Variants in CHST11 observed in about 807,000 individuals in gnomAD.
The protein encoded by CHST11 is carbohydrate sulfotransferase 11, also known as C4S-1.
Under a neutral mutation model 30.4 loss-of-function variants are expected in CHST11, and 9 were observed. That is an observed-to-expected ratio of 0.30 (90% CI 0.18 to 0.52). CHST11 has a LOEUF of 0.52. Among genes scored for constraint, CHST11 ranks in the 20% least tolerant of loss-of-function variants. CHST11 has a pLI of 0.97. For missense variants in CHST11, 348 were observed against 460.6 expected, an observed-to-expected ratio of 0.76 and a Z score of 2.24; for synonymous variants, 152 against 187.8, an observed-to-expected ratio of 0.81 and a Z score of 1.56.
At chr12:104,618,807 T>C (rs61267615) in intron 2 of CHST11, among the ~76,000 whole-genome samples, 251 of 152,250 alleles carry the variant, frequency 1.6e-3, no homozygotes, top group African/African-American at 5.9e-3. Context: ...ATTCGGGGAG[T>C]TGCAGAACCA....
intron 1 of CHST11, among the ~76,000 whole-genome samples, chr12:104,457,794 T>TGG (rs1565948550): frequency 2.1e-4 from 31 of 148,864 alleles, no homozygotes; most frequent in African/African-American, 6.9e-4. Flanking sequence ...AGTTTTTTTT[T>TGG]TTTTTTTTTT....
intron 2 of CHST11, among the ~76,000 whole-genome samples, chr12:104,721,696 G>T (rs2040178272): frequency 6.6e-6 from 1 of 152,022 alleles, no homozygotes; most frequent in African/African-American, 2.4e-5. Context: ...CCACCTCAAA[G>T]AGAACACAAC....
chr12:104,538,602 C>T (rs77871792), intron 1 of CHST11, among the ~76,000 whole-genome samples: 2,489 of 152,208 alleles, frequency 0.016, 120 homozygotes, highest in East Asian at 0.15. Context: ...TTTCTGTAGC[C>T]CACATCCTAT....
chr12:104,526,621 G>A (rs73185410), intron 1 of CHST11, among the ~76,000 whole-genome samples: 2,528 of 152,274 alleles, frequency 0.017, 32 homozygotes, highest in Non-Finnish European at 0.026. Flanking sequence ...GCACCAGAGC[G>A]CCAGTTCTTC....
chr12:104,487,477 G>A (rs2135964872), intron 1 of CHST11, among the ~76,000 whole-genome samples: 1 of 152,296 alleles, frequency 6.6e-6, no homozygotes, highest in African/African-American at 2.4e-5. Context: ...GCCCCGGCTG[G>A]TCTTGAATGC....
At chr12:104,551,898 T>C (rs1330261766) in intron 1 of CHST11, among the ~76,000 whole-genome samples, 4 of 152,194 alleles carry the variant, frequency 2.6e-5, no homozygotes, top group African/African-American at 9.7e-5. Context: ...GTCAGCCTGC[T>C]TTATGGGGTG....
intron 2 of CHST11, among the ~76,000 whole-genome samples, chr12:104,672,948 A>G (rs756819600): frequency 6.6e-6 from 1 of 152,150 alleles, no homozygotes; most frequent in South Asian, 2.1e-4. Context: ...GCTTAAAACA[A>G]CAGAAATGTA....
chr12:104,701,306 T>A (rs1381444941), intron 2 of CHST11, among the ~76,000 whole-genome samples: 1 of 152,212 alleles, frequency 6.6e-6, no homozygotes, highest in Non-Finnish European at 1.5e-5. Context: ...ATCAATCCCT[T>A]TGATGTATCT....
intron 1 of CHST11, among the ~76,000 whole-genome samples, chr12:104,509,133 A>G (rs944852209): frequency 6.6e-6 from 1 of 152,170 alleles, no homozygotes; most frequent in African/African-American, 2.4e-5. Flanking sequence ...TCATTGAACC[A>G]TGGGGGCAGG....
chr12:104,723,114 G>T (rs920064888), intron 2 of CHST11, among the ~76,000 whole-genome samples: 1 of 152,036 alleles, frequency 6.6e-6, no homozygotes, highest in African/African-American at 2.4e-5. Flanking sequence ...TCTGTGGTGT[G>T]AGCGTAGTAT....
At chr12:104,514,096 G>A (rs150201933) in intron 1 of CHST11, 1 of 1,209,122 alleles carries the variant, frequency 8.3e-7, no homozygotes, top group Non-Finnish European at 1.2e-6. Flanking sequence ...GGTCTAATCA[G>A]GCCTGTGTCT....
intron 1 of CHST11, among the ~76,000 whole-genome samples, chr12:104,462,605 T>G (rs567362277): frequency 6.6e-6 from 1 of 152,058 alleles, no homozygotes; most frequent in Non-Finnish European, 1.5e-5. Flanking sequence ...TAGTTTGGAG[T>G]CTTACCAATT....
intron 1 of CHST11, among the ~76,000 whole-genome samples, chr12:104,471,876 C>T (rs974469997): frequency 6.6e-6 from 1 of 152,172 alleles, no homozygotes; most frequent in Non-Finnish European, 1.5e-5. Flanking sequence ...ACTAGGGCTA[C>T]TGTAATGTAT....
chr12:104,526,809 A>G (rs1244021232), intron 1 of CHST11, among the ~76,000 whole-genome samples: 1 of 152,244 alleles, frequency 6.6e-6, no homozygotes. Flanking sequence ...GAGAACCCAC[A>G]CAGATAAGTG....
At chr12:104,533,744 A>G (rs755001221) in intron 1 of CHST11, among the ~76,000 whole-genome samples, 2 of 152,224 alleles carry the variant, frequency 1.3e-5, no homozygotes, top group South Asian at 4.1e-4. Context: ...GGGACAGTGG[A>G]AACGTAGGAG....
At chr12:104,689,604 T>A (rs1252754705) in intron 2 of CHST11, among the ~76,000 whole-genome samples, 1 of 152,228 alleles carries the variant, frequency 6.6e-6, no homozygotes, top group African/African-American at 2.4e-5. Context: ...TGGTAGATGC[T>A]GCCTTATACC....
intron 2 of CHST11, among the ~76,000 whole-genome samples, chr12:104,677,632 G>A (rs948562036): frequency 2.0e-5 from 3 of 152,204 alleles, no homozygotes; most frequent in Non-Finnish European, 4.4e-5. Context: ...CTAGGAATTT[G>A]GGGGGAATAG....
chr12:104,482,186 C>A (rs1465607281), intron 1 of CHST11, among the ~76,000 whole-genome samples: 1 of 148,966 alleles, frequency 6.7e-6, no homozygotes, highest in African/African-American at 2.5e-5. Context: ...TTTTTTTTTC[C>A]TATTCCTCAC....
At chr12:104,654,875 C>T (rs547223932) in intron 2 of CHST11, among the ~76,000 whole-genome samples, 8 of 152,200 alleles carry the variant, frequency 5.3e-5, no homozygotes, top group African/African-American at 1.7e-4. Flanking sequence ...ATCACCAGGC[C>T]GCTACCCCCT....
Sources: gnomAD v4.1 joint callset for allele counts (sites outside exome capture counted in the v4.1 genomes callset) on GRCh38, gnomAD v4.1.1 for gene constraint, MANE v1.5 for transcripts, NCBI Gene and HGNC (gene_info 2026-07-23, HGNC 2026-07-21) for gene names.